DYNC1I1: variants seen among roughly 807,000 people sequenced by gnomAD.
DYNC1I1 encodes the protein cytoplasmic dynein 1 intermediate chain 1.
DYNC1I1 carries 43 observed loss-of-function variants against 86.6 expected under a neutral mutation model. The ratio of observed to expected loss-of-function variants is 0.50; its 90% CI spans 0.39 to 0.64. DYNC1I1 has a LOEUF of 0.64. Ranked by LOEUF, DYNC1I1 falls within the 30% of genes least tolerant of loss-of-function variation. DYNC1I1 has a pLI of 0.00. For missense variants in DYNC1I1, 604 were observed against 788.8 expected (o/e 0.77, Z 2.81); for synonymous variants, 262 against 283.7 (o/e 0.92, Z 0.77).
intron 6 of DYNC1I1, among the ~76,000 whole-genome samples, chr7:95,913,693 G>A (rs1791397218): frequency 6.6e-6 from 1 of 152,160 alleles, no homozygotes; most frequent in Non-Finnish European, 1.5e-5. Flanking sequence ...GCATGAGAAA[G>A]GACTAATACA....
chr7:95,833,399 A>T (rs59306389), intron 5 of DYNC1I1, among the ~76,000 whole-genome samples: 13,732 of 149,456 alleles, frequency 0.092, 605 homozygotes, highest in South Asian at 0.13. Context: ...GAAGTCAGGT[A>T]GTGTGATGCC....
At chr7:95,916,578 T>C (rs1248726340) in intron 6 of DYNC1I1, among the ~76,000 whole-genome samples, 3 of 152,242 alleles carry the variant, frequency 2.0e-5, no homozygotes, top group Non-Finnish European at 4.4e-5. Context: ...AATTTTCATA[T>C]ATCTTATGAC....
intron 5 of DYNC1I1, among the ~76,000 whole-genome samples, chr7:95,847,557 C>T (rs534800648): frequency 6.6e-6 from 1 of 152,126 alleles, no homozygotes; most frequent in Non-Finnish European, 1.5e-5. Flanking sequence ...TGTCTTGCAG[C>T]TGTCAATTTC....
At chr7:96,076,975 C>T (rs1413864925) in intron 15 of DYNC1I1, among the ~76,000 whole-genome samples, 3 of 152,004 alleles carry the variant, frequency 2.0e-5, no homozygotes, top group African/African-American at 7.3e-5. Flanking sequence ...AATTCAGCTA[C>T]TTGGATTTTT....
intron 6 of DYNC1I1, among the ~76,000 whole-genome samples, chr7:95,914,464 G>A (rs1396463885): frequency 1.3e-5 from 2 of 152,138 alleles, no homozygotes; most frequent in Non-Finnish European, 2.9e-5. Context: ...TTTTGATGCA[G>A]ACAAAATATT....
At chr7:95,858,750 T>C (rs1183521374) in intron 5 of DYNC1I1, among the ~76,000 whole-genome samples, 1 of 151,730 alleles carries the variant, frequency 6.6e-6, no homozygotes, top group East Asian at 1.9e-4. Flanking sequence ...TTCATGATAG[T>C]ATGTCTTTAA....
intron 1 of DYNC1I1, among the ~76,000 whole-genome samples, chr7:95,799,441 T>G (rs923834950): frequency 2.0e-5 from 3 of 152,122 alleles, no homozygotes; most frequent in Non-Finnish European, 4.4e-5. Flanking sequence ...AGGAGAGACC[T>G]TCCCTGTAAC....
intron 16 of DYNC1I1, among the ~76,000 whole-genome samples, chr7:96,083,126 A>G (rs924004794): frequency 1.3e-5 from 2 of 152,162 alleles, no homozygotes; most frequent in South Asian, 4.1e-4. Context: ...TATTGAGAGT[A>G]GGTAATATTA....
At chr7:95,951,724 C>T (rs1458381461) in intron 6 of DYNC1I1, among the ~76,000 whole-genome samples, 1 of 152,196 alleles carries the variant, frequency 6.6e-6, no homozygotes, top group African/African-American at 2.4e-5. Flanking sequence ...GACGACTGCA[C>T]GCCTACACAG....
chr7:95,921,134 C>T (rs1015031551), intron 6 of DYNC1I1, among the ~76,000 whole-genome samples: 2 of 152,070 alleles, frequency 1.3e-5, no homozygotes, highest in African/African-American at 4.8e-5. Flanking sequence ...TATTTTCTTG[C>T]ATTAGTAAAT....
At chr7:95,928,590 G>A (rs542872027) in intron 6 of DYNC1I1, among the ~76,000 whole-genome samples, 4 of 152,156 alleles carry the variant, frequency 2.6e-5, no homozygotes, top group South Asian at 2.1e-4. Context: ...TTCCAAGGGC[G>A]CACTTAATGT....
intron 10 of DYNC1I1, among the ~76,000 whole-genome samples, chr7:96,001,672 CTTG>C (rs1311723650): frequency 6.6e-6 from 1 of 152,148 alleles, no homozygotes; most frequent in Non-Finnish European, 1.5e-5. Flanking sequence ...TGGCCACTGT[CTTG>C]TTGTGTCTTC....
chr7:96,070,197 T>C (rs1158868353), intron 14 of DYNC1I1, among the ~76,000 whole-genome samples: 1 of 152,216 alleles, frequency 6.6e-6, no homozygotes, highest in Non-Finnish European at 1.5e-5. Context: ...TTCCCAGTGA[T>C]AGTACCAAAT....
intron 9 of DYNC1I1, among the ~76,000 whole-genome samples, chr7:95,994,712 C>T (rs1158800342): frequency 6.6e-6 from 1 of 152,022 alleles, no homozygotes; most frequent in Non-Finnish European, 1.5e-5. Flanking sequence ...TAATGATGAG[C>T]CATTAAAGTA....
intron 1 of DYNC1I1, among the ~76,000 whole-genome samples, chr7:95,793,252 A>G (rs1473881876): frequency 1.3e-5 from 2 of 152,120 alleles, no homozygotes; most frequent in East Asian, 3.9e-4. Context: ...TAGGTGGTCA[A>G]ATTGGGAGGA....
At chr7:95,964,815 A>C (rs1426716097) in intron 6 of DYNC1I1, among the ~76,000 whole-genome samples, 1 of 152,210 alleles carries the variant, frequency 6.6e-6, no homozygotes, top group Non-Finnish European at 1.5e-5. Flanking sequence ...ATGATGTGAC[A>C]TTTGAATAAG....
At chr7:96,045,611 T>G (rs1201827137) in intron 14 of DYNC1I1, among the ~76,000 whole-genome samples, 8 of 152,122 alleles carry the variant, frequency 5.3e-5, no homozygotes, top group African/African-American at 1.9e-4. Context: ...CTCACTATCT[T>G]GAAATAGAAT....
intron 6 of DYNC1I1, among the ~76,000 whole-genome samples, chr7:95,878,900 T>G (rs6465484): frequency 0.95 from 142,388 of 150,588 alleles, 67,615 homozygotes; most frequent in Non-Finnish European, 0.99. Context: ...CAGAAATAAT[T>G]ATGACCAGAA....
At chr7:96,033,428 A>G (rs151326568) in intron 12 of DYNC1I1, among the ~76,000 whole-genome samples, 5 of 152,322 alleles carry the variant, frequency 3.3e-5, no homozygotes, top group African/African-American at 1.2e-4. Flanking sequence ...CTTGCAAGAT[A>G]TGCATATGTA....
Sources: allele counts gnomAD v4.1 joint callset (sites outside exome capture counted in the v4.1 genomes callset), GRCh38; gene constraint gnomAD v4.1.1; transcripts MANE v1.5; gene names NCBI Gene and HGNC (gene_info 2026-07-23, HGNC 2026-07-21).